The following SYT9 variants were observed in gnomAD, a reference collection of about 807,000 sequenced individuals.
SYT9 encodes the protein synaptotagmin 9, also known as synaptotagmin-9.
A neutral mutation model predicts 48.4 loss-of-function variants in SYT9; 22 were observed. The ratio of observed to expected loss-of-function variants is 0.45; its 90% CI spans 0.32 to 0.65. The LOEUF is 0.65. Among genes scored for constraint, SYT9 ranks in the 30% least tolerant of loss-of-function variants. The pLI, the probability that SYT9 is intolerant of heterozygous loss-of-function variation, is 0.03. For synonymous variants in SYT9, 265 were observed against 245.0 expected, an observed-to-expected ratio of 1.08 and a Z score of -0.76; for missense variants, 577 against 622.0, an observed-to-expected ratio of 0.93 and a Z score of 0.77.
intron 3 of SYT9, among the ~76,000 whole-genome samples, chr11:7,377,904 T>G (rs1399609404): frequency 1.3e-5 from 2 of 152,254 alleles, no homozygotes; most frequent in East Asian, 3.9e-4. Context: ...TTAATTAACC[T>G]CTGACTCTGG....
chr11:7,310,444 ATTTTT>A (rs34469345), intron 2 of SYT9, among the ~76,000 whole-genome samples: 3 of 115,046 alleles, frequency 2.6e-5, no homozygotes. Flanking sequence ...CATAACTGTG[ATTTTT>A]TTTTTTTTTT....
intron 5 of SYT9, among the ~76,000 whole-genome samples, chr11:7,419,711 A>G (rs1434565115): frequency 6.6e-6 from 1 of 152,068 alleles, no homozygotes; most frequent in East Asian, 1.9e-4. Context: ...AGCCTGGCCA[A>G]CGTGGTGAAA....
intron 3 of SYT9, among the ~76,000 whole-genome samples, chr11:7,378,450 T>C (rs1422432627): frequency 6.6e-6 from 1 of 151,984 alleles, no homozygotes; most frequent in Non-Finnish European, 1.5e-5. Context: ...TTTCAGAGAC[T>C]GAAGGAAAAG....
At chr11:7,371,549 C>T (rs1484119506) in intron 3 of SYT9, among the ~76,000 whole-genome samples, 2 of 151,956 alleles carry the variant, frequency 1.3e-5, no homozygotes, top group Non-Finnish European at 2.9e-5. Flanking sequence ...AAAATGCATA[C>T]ATCTTAAGTG....
At chr11:7,258,922 C>A (rs1848027537) in intron 1 of SYT9, among the ~76,000 whole-genome samples, 1 of 152,000 alleles carries the variant, frequency 6.6e-6, no homozygotes, top group South Asian at 2.1e-4. Context: ...TGTTCCTGGA[C>A]AAGTTATTTA....
chr11:7,245,565 C>A (rs1847782506), intron 1 of SYT9, among the ~76,000 whole-genome samples: 1 of 152,038 alleles, frequency 6.6e-6, no homozygotes, highest in Admixed American at 6.6e-5. Context: ...TCTGTTTGTA[C>A]TGCTGTAACA....
rs775855453 is a variant in SYT9 at position 7,420,518 on chromosome 11, TGA to T, written c.1353_1354del (p.Glu451AspfsTer12). On this transcript the variant is annotated frameshift_variant, in exon 6 of 7. Coordinates refer to ENST00000318881, the MANE Select transcript of SYT9 (RefSeq NM_175733.4). LOFTEE classifies it high-confidence loss of function. ...GCCATTTTCACAGTGTAGGTCACAA[TGA>T]GATCATCGGCGTGTGTCAAGTAGGC... is the stretch of plus-strand genomic sequence containing the variant. ...VMDYDRVGHN[E>X]IIGVCQVGNE... The T allele has an allele frequency of 5.0e-6, 8 of 1,613,302 alleles. No individual in the cohort carries two copies. Among genetic ancestry groups the T allele is most frequent in the Non-Finnish European group, 5.9e-6 (7 of 1,179,350 alleles).
chr11:7,383,140 T>C (rs991967762), intron 3 of SYT9, among the ~76,000 whole-genome samples: 2 of 152,178 alleles, frequency 1.3e-5, no homozygotes, highest in African/African-American at 4.8e-5. Flanking sequence ...ACGTCGTCCA[T>C]GTTATAGGTG....
intron 2 of SYT9, among the ~76,000 whole-genome samples, chr11:7,310,469 C>T (rs1165705010): frequency 1.0e-4 from 11 of 110,246 alleles, no homozygotes; most frequent in African/African-American, 1.4e-4. Context: ...TTTTTTGAGA[C>T]GGAGTCTCAC....
intron 3 of SYT9, among the ~76,000 whole-genome samples, chr11:7,387,016 T>G (rs1197441377): frequency 5.9e-5 from 9 of 152,140 alleles, no homozygotes; most frequent in Non-Finnish European, 8.8e-5. Context: ...GATGAAGCTG[T>G]AAACCATCAT....
rs976926163 is a variant in SYT9, at chr11:7,410,375, A to G, written c.1045-5667A>G. 7.2e-5 allele frequency among the ~76,000 whole-genome samples: 11 copies of G among 152,296 alleles called. No homozygotes were observed. In the East Asian group the frequency reaches 2.1e-3, roughly 29 times the overall value. On this transcript the variant is annotated intron_variant, in intron 3 of 6. Transcript: ENST00000318881. ...CCACTTGGTCTAAAGTGTAGTTTAA[A>G]TCCAATTTTTTGTTGTTGTTGATTT...
intron 3 of SYT9, among the ~76,000 whole-genome samples, chr11:7,404,531 T>C (rs1346116421): frequency 6.6e-6 from 1 of 152,202 alleles, no homozygotes; most frequent in Non-Finnish European, 1.5e-5. Context: ...ACTGGCTAAC[T>C]TGAAGTGATA....
intron 6 of SYT9, chr11:7,441,074 CAG>C (rs1847821856): frequency 6.6e-6 from 1 of 152,222 alleles, no homozygotes; most frequent in Non-Finnish European, 1.5e-5. Flanking sequence ...AGAGAACAAA[CAG>C]AATAACCCAG....
chr11:7,457,251 T>C (rs1228962361), intron 6 of SYT9: 1 of 152,234 alleles, frequency 6.6e-6, no homozygotes, highest in African/African-American at 2.4e-5. Context: ...ATCTAATCAG[T>C]TGTCAGCTTC....
intron 3 of SYT9, among the ~76,000 whole-genome samples, chr11:7,370,869 T>A (rs1196182128): frequency 6.6e-6 from 1 of 152,214 alleles, no homozygotes; most frequent in Non-Finnish European, 1.5e-5. Flanking sequence ...TTAAAAAATA[T>A]GTTACTAAAG....
At chr11:7,320,821 CA>C (rs1254080072) in intron 3 of SYT9, among the ~76,000 whole-genome samples, 1 of 152,050 alleles carries the variant, frequency 6.6e-6, no homozygotes, top group Non-Finnish European at 1.5e-5. Context: ...CTACTGAAGC[CA>C]GATCAATAAT....
At chr11:7,362,114 T>G (rs1404688730) in intron 3 of SYT9, among the ~76,000 whole-genome samples, 1 of 151,256 alleles carries the variant, frequency 6.6e-6, no homozygotes, top group East Asian at 1.9e-4. Context: ...TTTCTTTTTC[T>G]TTCTTTCTTT....
chr11:7,394,853 C>T (rs1415060114), intron 3 of SYT9, among the ~76,000 whole-genome samples: 1 of 152,052 alleles, frequency 6.6e-6, no homozygotes, highest in Non-Finnish European at 1.5e-5. Flanking sequence ...CTTTTGCTCT[C>T]AGAGATTTGG....
At chr11:7,456,829 CA>C (rs1305403052) in intron 6 of SYT9, 2 of 152,178 alleles carry the variant, frequency 1.3e-5, no homozygotes, top group Admixed American at 1.3e-4. Context: ...AGTAATTCCA[CA>C]GGGCCAGGCT....
Sources: gnomAD v4.1 joint callset for allele counts (sites outside exome capture counted in the v4.1 genomes callset) on GRCh38, gnomAD v4.1.1 for gene constraint, MANE v1.5 for transcripts, NCBI Gene and HGNC (gene_info 2026-07-23, HGNC 2026-07-21) for gene names.